SUN1: variants seen among roughly 807,000 people sequenced by gnomAD.
The protein encoded by SUN1 is SUN domain-containing protein 1.
In SUN1, 61 loss-of-function variants were observed where a neutral mutation model predicts 103.2. The ratio of observed to expected loss-of-function variants is 0.59; its 90% CI spans 0.48 to 0.73. The LOEUF (loss-of-function observed/expected upper bound fraction) is 0.73. SUN1 is among the 30% of genes least tolerant of loss of function. The probability of loss-of-function intolerance (pLI) is 0.00; values close to 1 mark genes in which losing one functional copy is unlikely to be tolerated. For missense variants in SUN1, 1,052 were observed against 1,034.6 expected (o/e 1.02, Z -0.23); for synonymous variants, 490 against 425.7 (o/e 1.15, Z -1.86).
At chr7:817,731 T>G (rs1199029416) in intron 1 of SUN1, among the ~76,000 whole-genome samples, 3 of 152,194 alleles carry the variant, frequency 2.0e-5, no homozygotes, top group Non-Finnish European at 2.9e-5. Context: ...TGTGTTTTGG[T>G]TTATCTCATC....
intron 17 of SUN1, among the ~76,000 whole-genome samples, chr7:872,190 C>T (rs557525021): frequency 1.7e-4 from 26 of 152,306 alleles, no homozygotes; most frequent in African/African-American, 6.0e-4. Flanking sequence ...ACTTCTCTGC[C>T]ACTCATTAGT....
At chr7:834,359 G>A (rs777381626) in intron 1 of SUN1, among the ~76,000 whole-genome samples, 3 of 152,150 alleles carry the variant, frequency 2.0e-5, no homozygotes, top group Admixed American at 6.5e-5. Context: ...GGAGTGCCTC[G>A]GGGAGGTCCA....
Position 826,884 on chromosome 7 carries a change from T to C in SUN1, c.-74+10211T>C, listed in dbSNP as rs1387063340. Among the ~76,000 whole-genome samples the C allele has an allele frequency of 2.0e-5, 3 of 152,234 alleles. No individual in the cohort carries two copies. In the East Asian group the frequency reaches 5.8e-4, roughly 29 times the overall value. The stretch of plus-strand genomic sequence containing the variant: ...TAGAAAATAATTATCAACTCGGTAT[T>C]GACGGTTGCTGTTTATAGGCTGAAG... On this transcript the variant is annotated intron_variant, in intron 1 of 17. Coordinates refer to the SUN1 transcript ENST00000389574.
intron 12 of SUN1, 46 bp downstream of exon 12, chr7:856,447 T>A (rs199597986): frequency 1.2e-6 from 2 of 1,607,026 alleles, no homozygotes; most frequent in East Asian, 4.5e-5. Flanking sequence ...GGTGTGTGTG[T>A]GTGGTTATGT....
At chr7:827,961 G>A (rs142318492), upstream of SUN1, among the ~76,000 whole-genome samples, 46 of 152,042 alleles carry the variant, frequency 3.0e-4, no homozygotes, top group Middle Eastern at 6.8e-3. Flanking sequence ...AGGCTGGAAT[G>A]CGCTGAAATA....
At chr7:822,380 C>A (rs1247035904) in intron 1 of SUN1, among the ~76,000 whole-genome samples, 1 of 152,146 alleles carries the variant, frequency 6.6e-6, no homozygotes, top group African/African-American at 2.4e-5. Context: ...GTGTGACAGA[C>A]ACTTTTGACA....
intron 10 of SUN1, among the ~76,000 whole-genome samples, chr7:854,090 C>CCTTCTCTTGTGA (rs1369767869): frequency 7.2e-5 from 11 of 152,246 alleles, no homozygotes; most frequent in African/African-American, 2.7e-4. Flanking sequence ...ACCTCTGCTT[C>CCTTCTCTTGTGA]AGAGGATGCC....
intron 2 of SUN1, 137 bp downstream of exon 2, chr7:839,123 A>ACATATCCTT: frequency 1.2e-6 from 1 of 824,248 alleles, no homozygotes; most frequent in South Asian, 2.8e-5. Flanking sequence ...ACAGACACAC[A>ACATATCCTT]AACCTGTCAT....
At chr7:863,080 T>TG (rs1352585431) in intron 15 of SUN1, among the ~76,000 whole-genome samples, 3 of 152,116 alleles carry the variant, frequency 2.0e-5, no homozygotes. Flanking sequence ...AGGTGGAGCT[T>TG]GCAGTAAGCT....
chr7:864,258 C>G (rs536147078), intron 15 of SUN1, among the ~76,000 whole-genome samples: 1 of 152,112 alleles, frequency 6.6e-6, no homozygotes, highest in South Asian at 2.1e-4. Context: ...TTTAAAAATG[C>G]ACAATTAGGC....
At chr7:851,840 C>G (rs908520649) in intron 6 of SUN1, 110 bp from the exon 7 acceptor site, 2 of 1,175,926 alleles carry the variant, frequency 1.7e-6, no homozygotes, top group East Asian at 4.7e-5. Flanking sequence ...TTCTTCACCT[C>G]CAGCTTCATC....
chr7:823,983 G>A (rs1788945023), intron 1 of SUN1, among the ~76,000 whole-genome samples: 1 of 152,244 alleles, frequency 6.6e-6, no homozygotes, highest in Non-Finnish European at 1.5e-5. Context: ...AAAACAGTAA[G>A]AGTAGGAGAG....
chr7:839,839 C>T (rs1451604803), intron 2 of SUN1, among the ~76,000 whole-genome samples: 2 of 152,162 alleles, frequency 1.3e-5, no homozygotes, highest in Admixed American at 6.5e-5. Flanking sequence ...CAGGCGTGAG[C>T]CACTGCGCCC....
Position 854,890 on chromosome 7 carries a change from A to T in SUN1, c.1264-30A>T, listed in dbSNP as rs751440599. 4 of 1,553,058 alleles carry T rather than the reference A, an allele frequency of 2.6e-6. No homozygotes were observed. In the African/African-American group the frequency reaches 5.5e-5, roughly 21 times the overall value. On this transcript the variant is annotated intron_variant, in intron 10 of 18. Coordinates refer to ENST00000401592, the MANE Select transcript of SUN1 (RefSeq NM_001130965.3). ...AGGTTTTTGTTGCTTAACTTTCTCC[A>T]TCATTTGTTCACTCCTTCTCTTTCC...
rs751005441 is a variant in SUN1, at chr7:851,010, A to G, written c.659-374A>G. ...AACTGCAGGTGTCTATGGAATTTCA[A>G]TCTGCTTTAAAATATGGTATGATCT... is the stretch of plus-strand genomic sequence containing the variant. On this transcript the variant is annotated intron_variant, in intron 5 of 18. Transcript: ENST00000401592. 3.3e-5 allele frequency among the ~76,000 whole-genome samples: 5 copies of G among 152,174 alleles called. No homozygotes were observed. In the East Asian group the frequency reaches 5.8e-4, roughly 18 times the overall value.
At chr7:856,683 AGG>A (rs1827716614) in intron 12 of SUN1, among the ~76,000 whole-genome samples, 1 of 152,170 alleles carries the variant, frequency 6.6e-6, no homozygotes, top group African/African-American at 2.4e-5. Flanking sequence ...CTTCATCTCC[AGG>A]GTCCTTGCAG....
At chr7:847,321 T>C (rs1194739355) in intron 5 of SUN1, among the ~76,000 whole-genome samples, 1 of 148,144 alleles carries the variant, frequency 6.8e-6, no homozygotes, top group Non-Finnish European at 1.5e-5. Context: ...CAGTCCAGGC[T>C]CCGGGATCCC....
intron 1 of SUN1, among the ~76,000 whole-genome samples, chr7:817,090 C>T (rs1053388545): frequency 3.9e-5 from 6 of 152,074 alleles, no homozygotes; most frequent in African/African-American, 1.4e-4. Context: ...GTCCCAGCCC[C>T]TGGAAGTAGC....
upstream of SUN1, chr7:815,996 G>A: frequency 5.3e-6 from 1 of 189,958 alleles, no homozygotes; most frequent in Non-Finnish European, 1.1e-5. Context: ...AGACGCGGAC[G>A]CCCTCCTGGA....
Sources: gnomAD v4.1 joint callset for allele counts (sites outside exome capture counted in the v4.1 genomes callset) on GRCh38, gnomAD v4.1.1 for gene constraint, MANE v1.5 for transcripts, NCBI Gene and HGNC (gene_info 2026-07-23, HGNC 2026-07-21) for gene names.